The following COX7B2 variants were observed in gnomAD, a reference collection of about 807,000 sequenced individuals.
COX7B2 encodes the protein cytochrome c oxidase subunit 7B2, mitochondrial.
For missense variants in COX7B2, 109 were observed against 95.9 expected, an observed-to-expected ratio of 1.14 and a Z score of -0.57; for synonymous variants, 37 against 32.1, an observed-to-expected ratio of 1.15 and a Z score of -0.51.
intron 1 of COX7B2, among the ~76,000 whole-genome samples, chr4:46,869,560 T>A (rs1717864359): frequency 6.6e-6 from 1 of 152,186 alleles, no homozygotes; most frequent in African/African-American, 2.4e-5. Flanking sequence ...GTAAGACAGG[T>A]CTGGTGGGTA....
chr4:46,765,491 G>A (rs181628341), intron 2 of COX7B2, among the ~76,000 whole-genome samples: 1 of 152,268 alleles, frequency 6.6e-6, no homozygotes, highest in Admixed American at 6.5e-5. Context: ...TCCACAGACT[G>A]ATGACGTGGG....
intron 2 of COX7B2, among the ~76,000 whole-genome samples, chr4:46,841,751 G>C (rs771148345): frequency 6.6e-5 from 10 of 151,884 alleles, no homozygotes; most frequent in African/African-American, 2.4e-4. Flanking sequence ...GCCTGTTCAC[G>C]CTGCATTTCT....
intron 1 of COX7B2, among the ~76,000 whole-genome samples, chr4:46,883,630 C>T (rs1340141853): frequency 2.0e-5 from 3 of 151,922 alleles, no homozygotes; most frequent in African/African-American, 4.8e-5. Flanking sequence ...CCCAGCTACT[C>T]GGGAGGCTGA....
intron 1 of COX7B2, among the ~76,000 whole-genome samples, chr4:46,869,172 T>C (rs551780427): frequency 6.6e-6 from 1 of 152,282 alleles, no homozygotes; most frequent in South Asian, 2.1e-4. Context: ...AATTGTTTTA[T>C]CTGAAGTTAG....
intron 2 of COX7B2, among the ~76,000 whole-genome samples, chr4:46,775,176 G>A (rs1471996866): frequency 6.6e-6 from 1 of 151,958 alleles, no homozygotes; most frequent in East Asian, 1.9e-4. Flanking sequence ...TAATGACTAA[G>A]AAAACAGAAG....
intron 2 of COX7B2, among the ~76,000 whole-genome samples, chr4:46,750,244 ATT>A (rs1715285420): frequency 2.1e-5 from 3 of 144,868 alleles, no homozygotes; most frequent in Non-Finnish European, 4.6e-5. Flanking sequence ...ACACACACAC[ATT>A]ATCCAGGTGT....
At chr4:46,757,775 G>A (rs1463719694) in intron 2 of COX7B2, among the ~76,000 whole-genome samples, 2 of 152,086 alleles carry the variant, frequency 1.3e-5, no homozygotes, top group African/African-American at 2.4e-5. Context: ...TAGCTCAGGT[G>A]TGCAATAAAT....
At chr4:46,904,101 G>T (rs1720232222) in intron 1 of COX7B2, 1 of 151,904 alleles carries the variant, frequency 6.6e-6, no homozygotes, top group Non-Finnish European at 1.5e-5. Context: ...ATGTACAAAG[G>T]GAAAGAAATA....
chr4:46,822,927 C>A (rs2109699695), intron 2 of COX7B2, among the ~76,000 whole-genome samples: 1 of 152,208 alleles, frequency 6.6e-6, no homozygotes, highest in Admixed American at 6.5e-5. Flanking sequence ...TAACAATTTT[C>A]TTAAGCCCAT....
At chr4:46,776,132 C>T (rs1717140242) in intron 2 of COX7B2, among the ~76,000 whole-genome samples, 1 of 151,700 alleles carries the variant, frequency 6.6e-6, no homozygotes, top group African/African-American at 2.4e-5. Context: ...ACCATTGCTC[C>T]TATGAGTATG....
intron 2 of COX7B2, among the ~76,000 whole-genome samples, chr4:46,742,738 G>A (rs1433636166): frequency 1.3e-5 from 2 of 152,142 alleles, no homozygotes; most frequent in African/African-American, 2.4e-5. Flanking sequence ...AAATAAGAGA[G>A]TGGACAAAGA....
At chr4:46,862,643 G>A (rs548518885) in intron 1 of COX7B2, among the ~76,000 whole-genome samples, 1 of 152,190 alleles carries the variant, frequency 6.6e-6, no homozygotes, top group African/African-American at 2.4e-5. Context: ...AAGATTGTTG[G>A]TTCAATAAAA....
At chr4:46,814,721 T>G (rs1719459991) in intron 2 of COX7B2, among the ~76,000 whole-genome samples, 2 of 152,232 alleles carry the variant, frequency 1.3e-5, no homozygotes, top group Non-Finnish European at 2.9e-5. Context: ...CGTCAATGTA[T>G]CACTGATGAG....
At chr4:46,799,428 T>C (rs1436071195) in intron 2 of COX7B2, among the ~76,000 whole-genome samples, 1 of 152,144 alleles carries the variant, frequency 6.6e-6, no homozygotes, top group Admixed American at 6.5e-5. Context: ...TGGGCATCCT[T>C]GTCTTATTCC....
intron 2 of COX7B2, among the ~76,000 whole-genome samples, chr4:46,774,164 C>T (rs1371825796): frequency 6.6e-6 from 1 of 151,952 alleles, no homozygotes; most frequent in East Asian, 1.9e-4. Flanking sequence ...TCTGTTATTC[C>T]CTTTCTGGAA....
At chr4:46,903,360 G>A (rs574806613) in intron 1 of COX7B2, among the ~76,000 whole-genome samples, 46 of 151,970 alleles carry the variant, frequency 3.0e-4, no homozygotes, top group Non-Finnish European at 5.9e-4. Flanking sequence ...ACAACATTTC[G>A]GTCAATGATG....
intron 2 of COX7B2, among the ~76,000 whole-genome samples, chr4:46,788,226 C>T (rs1396345081): frequency 6.6e-6 from 1 of 151,844 alleles, no homozygotes; most frequent in Non-Finnish European, 1.5e-5. Flanking sequence ...ATATTCAGTC[C>T]CATTATATTT....
intron 1 of COX7B2, among the ~76,000 whole-genome samples, chr4:46,870,387 G>A (rs1717913625): frequency 6.6e-6 from 1 of 151,998 alleles, no homozygotes. Flanking sequence ...TATACTGAAT[G>A]AGCAAAAGTT....
intron 1 of COX7B2, among the ~76,000 whole-genome samples, chr4:46,855,463 A>G (rs1198563323): frequency 1.3e-5 from 2 of 152,076 alleles, no homozygotes; most frequent in Non-Finnish European, 2.9e-5. Flanking sequence ...CTTATTCCTG[A>G]TTTAAAATAA....
Sources: gnomAD v4.1 joint callset for allele counts (sites outside exome capture counted in the v4.1 genomes callset) on GRCh38, gnomAD v4.1.1 for gene constraint, MANE v1.5 for transcripts, NCBI Gene and HGNC (gene_info 2026-07-23, HGNC 2026-07-21) for gene names.